Variants in JAKMIP3 observed in about 807,000 individuals in gnomAD.
JAKMIP3 encodes the protein Janus kinase and microtubule interacting protein 3.
A neutral mutation model predicts 118.5 loss-of-function variants in JAKMIP3; 58 were observed. That is an observed-to-expected ratio of 0.49 (90% CI 0.40 to 0.61). The LOEUF is 0.61. Among genes scored for constraint, JAKMIP3 ranks in the 20% least tolerant of loss-of-function variants. The pLI is 0.00. For missense variants in JAKMIP3, 950 were observed against 1,109.0 expected (o/e 0.86, Z 2.04); for synonymous variants, 486 against 451.2 (o/e 1.08, Z -0.98).
intron 1 of JAKMIP3, among the ~76,000 whole-genome samples, chr10:132,075,145 C>A (rs1275322401): frequency 1.3e-5 from 2 of 152,012 alleles, no homozygotes; most frequent in African/African-American, 4.8e-5. Flanking sequence ...CCTTAGGATT[C>A]TCTTGGCCAT....
At chr10:132,071,664 T>C (rs1261658447) in intron 1 of JAKMIP3, among the ~76,000 whole-genome samples, 2 of 152,242 alleles carry the variant, frequency 1.3e-5, no homozygotes, top group Non-Finnish European at 2.9e-5. Context: ...GTCTTCTCAA[T>C]GTATTGACTC....
chr10:132,119,447 T>A (rs2048210361), intron 3 of JAKMIP3, among the ~76,000 whole-genome samples: 1 of 152,222 alleles, frequency 6.6e-6, no homozygotes, highest in African/African-American at 2.4e-5. Context: ...AGTTTCGTCT[T>A]GCATACTTAT....
intron 1 of JAKMIP3, among the ~76,000 whole-genome samples, chr10:132,090,145 G>A (rs11146159): frequency 0.35 from 53,963 of 152,014 alleles, 10,025 homozygotes; most frequent in African/African-American, 0.47. Context: ...ATCAATGTTC[G>A]TCAGGGATAT....
rs1197737991 is a variant in JAKMIP3, at chr10:132,184,464, A to T, written c.*3211A>T. Reference sequence around the variant, plus strand: ...TAATGGAATTCAGTTTAGCCTCAGGAAACTCATATTGTGAATATAGGTATC... The same window carrying T: ...TAATGGAATTCAGTTTAGCCTCAGGTAACTCATATTGTGAATATAGGTATC... On this transcript the variant is annotated 3_prime_UTR_variant, in exon 24 of 24. Coordinates refer to ENST00000684848, the MANE Select transcript of JAKMIP3 (RefSeq NM_001323087.2). 6.6e-6 allele frequency: 1 copy of T among 152,244 alleles called. No individual in the cohort carries two copies. The highest frequency in any genetic ancestry group is 1.5e-5 in the Non-Finnish European group (1 of 68,044). The allele number at this position is 152,244 out of a possible 1,614,324, so 9.4% of individuals were successfully genotyped here. A position where few individuals can be genotyped will look rare whatever the true frequency, so the allele number is the denominator to read the frequency against.
chr10:132,083,988 T>C (rs892701825), intron 1 of JAKMIP3, among the ~76,000 whole-genome samples: 1 of 152,224 alleles, frequency 6.6e-6, no homozygotes, highest in Non-Finnish European at 1.5e-5. Context: ...GATTTGTTCT[T>C]TTTGCTTAGT....
intron 1 of JAKMIP3, among the ~76,000 whole-genome samples, chr10:132,101,375 C>T (rs2379225): frequency 1.6e-3 from 239 of 152,010 alleles, no homozygotes; most frequent in Non-Finnish European, 2.9e-3. Context: ...GAAGTCTCCC[C>T]GAAACAAAAT....
chr10:132,166,860 T>C lies in JAKMIP3; in HGVS notation c.2491-123T>C, dbSNP rs2058959357. 3 of 725,704 alleles carry C rather than the reference T, an allele frequency of 4.1e-6. No homozygotes were observed. In the African/African-American group the frequency reaches 5.3e-5, roughly 13 times the overall value. 45.0% of individuals were successfully genotyped at this position (725,704 alleles called of 1,614,324 possible). A position where few individuals can be genotyped will look rare whatever the true frequency, so the allele number is the denominator to read the frequency against. On this transcript the variant is annotated intron_variant, in intron 21 of 23. Coordinates refer to ENST00000684848, the MANE Select transcript of JAKMIP3 (RefSeq NM_001323087.2). ...CTCGGCACAGTCCTTAATAGCGTCC[T>C]CTCCTCCCTGCCAACAGCTCTGTCT...
intron 19 of JAKMIP3, among the ~76,000 whole-genome samples, chr10:132,157,920 G>T (rs535333504): frequency 2.0e-5 from 3 of 151,902 alleles, no homozygotes; most frequent in Non-Finnish European, 4.4e-5. Context: ...ATGGCCTCCA[G>T]GTTTTATGGC....
intron 1 of JAKMIP3, among the ~76,000 whole-genome samples, chr10:132,099,664 T>G (rs1397677628): frequency 6.6e-6 from 1 of 152,184 alleles, no homozygotes; most frequent in Non-Finnish European, 1.5e-5. Context: ...CAAATGCAAC[T>G]CAGCATGTGT....
intron 3 of JAKMIP3, among the ~76,000 whole-genome samples, chr10:132,128,016 A>G (rs1210079721): frequency 2.0e-5 from 3 of 152,188 alleles, no homozygotes; most frequent in African/African-American, 7.2e-5. Flanking sequence ...ATGGTCTTTT[A>G]TATTTATATC....
In JAKMIP3 at chr10:132,136,026, C is replaced by T. The variant is rs763063160; in HGVS notation, c.1066C>T (p.Arg356Cys). ...RKNEDLSHAL[R>C]RMENKLKFVT... is the part of the protein sequence containing the mutation. ...GAACGAGGATTTGTCTCATGCTTTA[C>T]GCCGAATGGAAAACAAGTTAAAATT... The change falls in exon 6 of 24, where the codon CGC becomes TGC. Residue 356 changes from arginine (R) to cysteine (C), a missense_variant. Transcript: ENST00000684848. 5.4e-5 allele frequency: 87 copies of T among 1,613,568 alleles called. No individual in the cohort carries two copies. The highest frequency in any genetic ancestry group is 6.9e-5 in the Non-Finnish European group (81 of 1,179,872).
At chr10:132,068,942 A>T (rs2039378020) in intron 1 of JAKMIP3, among the ~76,000 whole-genome samples, 1 of 151,948 alleles carries the variant, frequency 6.6e-6, no homozygotes, top group African/African-American at 2.4e-5. Context: ...AGGGAAAGTG[A>T]CTCCGGCCAG....
At chr10:132,062,042 A>AG (rs2038412655), upstream of JAKMIP3, among the ~76,000 whole-genome samples, 1 of 152,126 alleles carries the variant, frequency 6.6e-6, no homozygotes, top group Non-Finnish European at 1.5e-5. Context: ...ACAGAGGGAA[A>AG]GGGGGGCCGG....
chr10:132,086,858 C>A (rs997236335), intron 1 of JAKMIP3, among the ~76,000 whole-genome samples: 2 of 152,182 alleles, frequency 1.3e-5, no homozygotes, highest in Non-Finnish European at 2.9e-5. Context: ...CATTTACATT[C>A]AACATTAGTA....
chr10:132,043,082 A>G (rs1475817195), intron 1 of JAKMIP3, among the ~76,000 whole-genome samples: 4 of 152,156 alleles, frequency 2.6e-5, no homozygotes, highest in Non-Finnish European at 2.9e-5. Context: ...CAACAGAGCA[A>G]GATCCTCTCT....
At chr10:132,089,797 G>A (rs1348282224) in intron 1 of JAKMIP3, among the ~76,000 whole-genome samples, 3 of 152,192 alleles carry the variant, frequency 2.0e-5, no homozygotes, top group Non-Finnish European at 4.4e-5. Flanking sequence ...AGTTTCCAAA[G>A]GGAATGCTTC....
At chr10:132,180,794 TGTGCTGTGA>T (rs1345336732) in intron 23 of JAKMIP3, among the ~76,000 whole-genome samples, 1 of 144,076 alleles carries the variant, frequency 6.9e-6, no homozygotes, top group African/African-American at 2.6e-5. Flanking sequence ...CGCGTATGCA[TGTGCTGTGA>T]GTGGTGTGTT....
intron 3 of JAKMIP3, among the ~76,000 whole-genome samples, chr10:132,124,192 C>T (rs890651466): frequency 5.9e-5 from 9 of 152,384 alleles, no homozygotes; most frequent in East Asian, 5.8e-4. Context: ...TTGCCCCTCC[C>T]GGCAGCACCC....
Position 132,141,940 on chromosome 10 carries a change from G to A in JAKMIP3, c.1494G>A (p.Thr498=), listed in dbSNP as rs746951558. Residue 498 remains threonine (T), a synonymous_variant, in exon 11 of 24, where the codon ACG becomes ACA. Transcript: ENST00000684848. Reference sequence around the variant, plus strand: ...TCCAGGGCATGGCCAAGGAGGAGACGGAGCTGAGGTTCCGGCAGCTGACCA... The same window carrying A: ...TCCAGGGCATGGCCAAGGAGGAGACAGAGCTGAGGTTCCGGCAGCTGACCA... ...DLEEGMAKEE[T]ELRFRQLTME... The A allele has an allele frequency of 1.9e-5, 31 of 1,594,356 alleles. No homozygotes were observed. In the East Asian group the frequency reaches 2.7e-4, roughly 14 times the overall value.
Sources: gnomAD v4.1 joint callset for allele counts (sites outside exome capture counted in the v4.1 genomes callset) on GRCh38, gnomAD v4.1.1 for gene constraint, MANE v1.5 for transcripts, NCBI Gene and HGNC (gene_info 2026-07-23, HGNC 2026-07-21) for gene names.